CCSER1: variants seen among roughly 807,000 people sequenced by gnomAD.
The protein encoded by CCSER1 is coiled-coil serine rich protein 1, also known as serine-rich coiled-coil domain-containing protein 1.
Under a neutral mutation model 82.0 loss-of-function variants are expected in CCSER1, and 41 were observed. The ratio of observed to expected loss-of-function variants is 0.50; its 90% CI spans 0.39 to 0.65. CCSER1 has a LOEUF of 0.65. CCSER1 is among the 30% of genes least tolerant of loss of function. The pLI is 0.00. For synonymous variants in CCSER1, 414 were observed against 383.9 expected (o/e 1.08, Z -0.92); for missense variants, 1,119 against 1,064.2 (o/e 1.05, Z -0.72).
chr4:91,411,867 A>G (rs1265976950), intron 10 of CCSER1, among the ~76,000 whole-genome samples: 2 of 144,402 alleles, frequency 1.4e-5, no homozygotes, highest in East Asian at 2.1e-4. Flanking sequence ...AAAAAAAAAA[A>G]GACTTTGCAT....
intron 4 of CCSER1, among the ~76,000 whole-genome samples, chr4:90,450,164 G>T (rs1761252337): frequency 2.0e-5 from 3 of 152,212 alleles, no homozygotes; most frequent in African/African-American, 4.8e-5. Flanking sequence ...GTCCCTGGTA[G>T]AAACGGAGCC....
intron 1 of CCSER1, among the ~76,000 whole-genome samples, chr4:90,219,359 C>T (rs1182803592): frequency 6.6e-6 from 1 of 152,102 alleles, no homozygotes; most frequent in African/African-American, 2.4e-5. Flanking sequence ...ATTCTCTTAT[C>T]AGGTTATTTT....
intron 10 of CCSER1, among the ~76,000 whole-genome samples, chr4:91,485,464 T>C (rs1758165201): frequency 6.6e-6 from 1 of 152,138 alleles, no homozygotes; most frequent in Non-Finnish European, 1.5e-5. Context: ...GACAAAAATA[T>C]GGGCCTGTAT....
intron 1 of CCSER1, among the ~76,000 whole-genome samples, chr4:90,226,859 C>T (rs1479348280): frequency 6.6e-6 from 1 of 152,192 alleles, no homozygotes; most frequent in Admixed American, 6.5e-5. Flanking sequence ...AGATCATCTC[C>T]CAGCCAATGA....
intron 5 of CCSER1, among the ~76,000 whole-genome samples, chr4:90,549,234 G>C (rs1470756996): frequency 6.6e-6 from 1 of 152,088 alleles, no homozygotes; most frequent in East Asian, 1.9e-4. Context: ...TTAATAACCT[G>C]TATCATAATA....
intron 8 of CCSER1, among the ~76,000 whole-genome samples, chr4:90,865,622 T>TCTAGCATTATATCCTC (rs1765639327): frequency 6.6e-6 from 1 of 152,076 alleles, no homozygotes; most frequent in Non-Finnish European, 1.5e-5. Context: ...ATTTTATCCT[T>TCTAGCATTATATCCTC]CTAGCATTAT....
At chr4:91,241,690 A>G (rs1045322114) in intron 10 of CCSER1, among the ~76,000 whole-genome samples, 5 of 152,140 alleles carry the variant, frequency 3.3e-5, no homozygotes, top group Non-Finnish European at 7.4e-5. Flanking sequence ...GTGTTTTCAT[A>G]TCCATTTAAT....
chr4:91,445,739 C>A (rs965213806), intron 10 of CCSER1, among the ~76,000 whole-genome samples: 1 of 151,936 alleles, frequency 6.6e-6, no homozygotes, highest in Non-Finnish European at 1.5e-5. Context: ...ACATATATTA[C>A]CCCCAAATTT....
intron 7 of CCSER1, among the ~76,000 whole-genome samples, chr4:90,808,581 A>T (rs1023089484): frequency 2.6e-5 from 4 of 152,198 alleles, no homozygotes; most frequent in Non-Finnish European, 1.5e-5. Flanking sequence ...GGTAAATGAC[A>T]TAAGCAGACA....
At chr4:90,572,228 A>G (rs1355279686) in intron 5 of CCSER1, among the ~76,000 whole-genome samples, 2 of 152,118 alleles carry the variant, frequency 1.3e-5, no homozygotes, top group African/African-American at 4.8e-5. Context: ...TGCTGCTTGT[A>G]GTATTGGAAC....
chr4:90,947,662 A>C (rs950092673), intron 9 of CCSER1, among the ~76,000 whole-genome samples: 3 of 152,182 alleles, frequency 2.0e-5, no homozygotes, highest in African/African-American at 4.8e-5. Context: ...TATACTTGTC[A>C]GAATTAATTC....
intron 9 of CCSER1, among the ~76,000 whole-genome samples, chr4:91,035,409 G>A (rs560986330): frequency 6.6e-6 from 1 of 152,228 alleles, no homozygotes; most frequent in Non-Finnish European, 1.5e-5. Context: ...GTGGTGAACA[G>A]TGACATTCTT....
At chr4:90,205,772 G>A (rs900727177) in intron 1 of CCSER1, among the ~76,000 whole-genome samples, 1 of 152,110 alleles carries the variant, frequency 6.6e-6, no homozygotes, top group Admixed American at 6.6e-5. Context: ...AAAAGTAATG[G>A]TACCAGCTCC....
At chr4:91,593,623 T>C (rs893429986) in intron 10 of CCSER1, among the ~76,000 whole-genome samples, 1 of 152,024 alleles carries the variant, frequency 6.6e-6, no homozygotes, top group African/African-American at 2.4e-5. Flanking sequence ...CCATGCTTTT[T>C]TCTTAAGTAA....
chr4:91,365,004 TAA>T (rs1749511850), intron 10 of CCSER1, among the ~76,000 whole-genome samples: 1 of 152,132 alleles, frequency 6.6e-6, no homozygotes, highest in African/African-American at 2.4e-5. Flanking sequence ...ATCCACAATA[TAA>T]GTGACAAATG....
intron 9 of CCSER1, among the ~76,000 whole-genome samples, chr4:90,987,911 T>C (rs1736702368): frequency 6.6e-6 from 1 of 151,808 alleles, no homozygotes; most frequent in Non-Finnish European, 1.5e-5. Context: ...TTTGAAATAT[T>C]CAGGTTTTAT....
At chr4:91,255,092 A>G (rs1038883587) in intron 10 of CCSER1, among the ~76,000 whole-genome samples, 1 of 152,158 alleles carries the variant, frequency 6.6e-6, no homozygotes, top group Non-Finnish European at 1.5e-5. Flanking sequence ...AGTCTGTAAT[A>G]TTAATGTTGA....
At chr4:91,564,353 A>T (rs1315578732) in intron 10 of CCSER1, among the ~76,000 whole-genome samples, 1 of 152,042 alleles carries the variant, frequency 6.6e-6, no homozygotes, top group Non-Finnish European at 1.5e-5. Context: ...CACAATGAAC[A>T]TACCCGTACA....
At chr4:91,257,807 A>G (rs1438096935) in intron 10 of CCSER1, among the ~76,000 whole-genome samples, 2 of 152,150 alleles carry the variant, frequency 1.3e-5, no homozygotes, top group Non-Finnish European at 2.9e-5. Context: ...TTTCTTCCAC[A>G]TGAGCTACAA....
Sources: allele counts gnomAD v4.1 joint callset (sites outside exome capture counted in the v4.1 genomes callset), GRCh38; gene constraint gnomAD v4.1.1; transcripts MANE v1.5; gene names NCBI Gene and HGNC (gene_info 2026-07-23, HGNC 2026-07-21).